GAP43: variants seen among roughly 807,000 people sequenced by gnomAD.
GAP43 encodes growth associated protein 43.
Under a neutral mutation model 18.6 loss-of-function variants are expected in GAP43, and 6 were observed. The observed-to-expected ratio is 0.32, with a 90% CI of 0.18 to 0.64. The LOEUF (loss-of-function observed/expected upper bound fraction) is 0.64. GAP43 is among the 30% of genes least tolerant of loss of function. The pLI, the probability that GAP43 is intolerant of heterozygous loss-of-function variation, is 0.78. For missense variants in GAP43, 292 were observed against 295.5 expected (o/e 0.99, Z 0.09); for synonymous variants, 115 against 111.4 (o/e 1.03, Z -0.20).
intron 1 of GAP43, among the ~76,000 whole-genome samples, chr3:115,646,292 C>T (rs938334235): frequency 9.2e-5 from 14 of 152,064 alleles, no homozygotes; most frequent in African/African-American, 3.4e-4. Flanking sequence ...ACAGTGGAAA[C>T]TTCCAAAGCT....
intron 1 of GAP43, among the ~76,000 whole-genome samples, chr3:115,663,232 A>G (rs1337266403): frequency 1.3e-5 from 2 of 152,206 alleles, no homozygotes; most frequent in East Asian, 1.9e-4. Context: ...CCTCACTACA[A>G]TTGTGAAAAA....
chr3:115,705,246 T>C (rs1559806210), intron 2 of GAP43, among the ~76,000 whole-genome samples: 1 of 152,200 alleles, frequency 6.6e-6, no homozygotes, highest in Non-Finnish European at 1.5e-5. Flanking sequence ...TAGGCAGCTG[T>C]AGTCACTATT....
Position 115,708,404 on chromosome 3 carries a change from A to C in GAP43, c.629-12390A>C, listed in dbSNP as rs909064657. ...ATATCATTGGCTGGTCTGCCTCCCAACTCCAGTTTTTAATTTTTGGTTAAA... is the reference window on the plus strand; with the variant it reads ...ATATCATTGGCTGGTCTGCCTCCCACCTCCAGTTTTTAATTTTTGGTTAAA... On this transcript the variant is annotated intron_variant, in intron 2 of 2. Transcript: ENST00000305124. Among the ~76,000 whole-genome samples the C allele has an allele frequency of 1.1e-3, 169 of 152,184 alleles. No individual in the cohort carries two copies. The Middle Eastern group carries it at 0.02, about 18-fold the overall frequency.
chr3:115,686,633 T>C (rs1029358151), intron 2 of GAP43, among the ~76,000 whole-genome samples: 2 of 152,320 alleles, frequency 1.3e-5, no homozygotes, highest in Admixed American at 6.5e-5. Flanking sequence ...AATTCTCAAA[T>C]CTTGGAACCC....
At chr3:115,707,034 A>G (rs969757370) in intron 2 of GAP43, among the ~76,000 whole-genome samples, 14 of 152,344 alleles carry the variant, frequency 9.2e-5, no homozygotes, top group African/African-American at 3.1e-4. Flanking sequence ...GATTACCTAT[A>G]TGTGAAACCT....
chr3:115,708,249 A>G (rs1174243080), intron 2 of GAP43, among the ~76,000 whole-genome samples: 1 of 152,248 alleles, frequency 6.6e-6, no homozygotes, highest in African/African-American at 2.4e-5. Flanking sequence ...TAACTTCCAT[A>G]TGAGAATGAA....
intron 1 of GAP43, among the ~76,000 whole-genome samples, chr3:115,640,942 T>A (rs1168367977): frequency 6.8e-6 from 1 of 147,282 alleles, no homozygotes; most frequent in East Asian, 2.2e-4. Flanking sequence ...TCCTTCTCTT[T>A]CTTTCTCCCT....
chr3:115,634,770 AAAATAAATAAAT>A (rs145458439), intron 1 of GAP43, among the ~76,000 whole-genome samples: 2 of 151,872 alleles, frequency 1.3e-5, no homozygotes, highest in African/African-American at 2.4e-5. Context: ...ACTCTGTCTC[AAAATAAATAAAT>A]AAATAAATAA....
In GAP43 at chr3:115,712,678, A is replaced by T. The variant is rs1006307662; in HGVS notation, c.629-8116A>T. ...TATGTGTATATTAGGAAACTGAGAC[A>T]AAGAAAGGAAAAGCATCTTCTCTGA... On this transcript the variant is annotated intron_variant, in intron 2 of 2. Coordinates refer to ENST00000305124, the MANE Select transcript of GAP43 (RefSeq NM_002045.4). Among the ~76,000 whole-genome samples, 87 of 152,186 alleles carry T rather than the reference A, an allele frequency of 5.7e-4. 7 individuals are homozygous for T. The highest frequency in any genetic ancestry group is 1.5e-5 in the Non-Finnish European group (1 of 68,038).
intron 1 of GAP43, among the ~76,000 whole-genome samples, chr3:115,634,787 A>G (rs1229183720): frequency 6.6e-6 from 1 of 151,894 alleles, no homozygotes; most frequent in African/African-American, 2.4e-5. Flanking sequence ...ATAAATAAAT[A>G]AATAAATAAT....
intron 1 of GAP43, among the ~76,000 whole-genome samples, chr3:115,628,381 C>A (rs755785457): frequency 2.0e-5 from 3 of 151,966 alleles, no homozygotes; most frequent in Non-Finnish European, 4.4e-5. Context: ...GACTCTATGT[C>A]CCCATCTCTA....
chr3:115,694,858 T>C (rs1024599976), intron 2 of GAP43, among the ~76,000 whole-genome samples: 5 of 152,230 alleles, frequency 3.3e-5, no homozygotes, highest in Non-Finnish European at 5.9e-5. Context: ...CATGTCATGA[T>C]TGGGTTTCCA....
At chr3:115,688,671 G>A (rs1000261954) in intron 2 of GAP43, among the ~76,000 whole-genome samples, 2 of 152,070 alleles carry the variant, frequency 1.3e-5, no homozygotes, top group Admixed American at 6.6e-5. Flanking sequence ...ATTTAACTCC[G>A]CGGACTGACA....
chr3:115,662,885 ATTCT>A (rs1708682538), intron 1 of GAP43, among the ~76,000 whole-genome samples: 1 of 152,230 alleles, frequency 6.6e-6, no homozygotes, highest in South Asian at 2.1e-4. Flanking sequence ...ATTTAGCCAA[ATTCT>A]TTCATTCAAA....
chr3:115,623,511 C>T lies in GAP43; in HGVS notation c.-179C>T. The stretch of plus-strand genomic sequence containing the variant: ...CGATGAGCAATAGCTGTGGACCTTA[C>T]AGTTGCTGCTAACTGCCCTGGTGTG... On this transcript the variant is annotated 5_prime_UTR_variant, in exon 1 of 3. Transcript: ENST00000305124. The T allele has an allele frequency of 1.5e-6, 1 of 662,988 alleles. No individual in the cohort carries two copies. Among genetic ancestry groups the T allele is most frequent in the Non-Finnish European group, 2.7e-6 (1 of 377,262 alleles). 41.1% of individuals were successfully genotyped at this position (662,988 alleles called of 1,614,324 possible).
chr3:115,660,013 A>G (rs1166738479), intron 1 of GAP43, among the ~76,000 whole-genome samples: 1 of 152,214 alleles, frequency 6.6e-6, no homozygotes, highest in Non-Finnish European at 1.5e-5. Context: ...CACTTTTTTC[A>G]TCGCAGAGGC....
chr3:115,629,832 C>G (rs531116297), intron 1 of GAP43, among the ~76,000 whole-genome samples: 92 of 152,208 alleles, frequency 6.0e-4, no homozygotes, highest in Non-Finnish European at 4.0e-4. Flanking sequence ...TGTAGCATAT[C>G]TAAATGGATA....
rs769009532 is a variant in GAP43, at chr3:115,650,504, TC to T, written c.31-25508del. On this transcript the variant is annotated intron_variant, in intron 1 of 2. Coordinates refer to ENST00000305124, the MANE Select transcript of GAP43 (RefSeq NM_002045.4). Reference sequence around the variant, plus strand: ...CTCTCTCTGTGAGCCCCCTTTCTTTTCTCTTTCCCTCCCATACCATCTCCTA... The same window carrying T: ...CTCTCTCTGTGAGCCCCCTTTCTTTTTCTTTCCCTCCCATACCATCTCCTA... Among the ~76,000 whole-genome samples, 18 of 152,156 alleles carry T rather than the reference TC, an allele frequency of 1.2e-4. No homozygotes were observed. In the South Asian group the frequency reaches 1.5e-3, roughly 12 times the overall value.
intron 1 of GAP43, among the ~76,000 whole-genome samples, chr3:115,643,724 G>T (rs1431304051): frequency 6.6e-6 from 1 of 151,692 alleles, no homozygotes; most frequent in Non-Finnish European, 1.5e-5. Context: ...GTCCCCTTTT[G>T]TTCTCTTTCA....
Sources: allele counts gnomAD v4.1 joint callset (sites outside exome capture counted in the v4.1 genomes callset), GRCh38; gene constraint gnomAD v4.1.1; transcripts MANE v1.5; gene names NCBI Gene and HGNC (gene_info 2026-07-23, HGNC 2026-07-21).